The following PRKD1 variants were observed in gnomAD, a reference collection of about 807,000 sequenced individuals.
PRKD1 encodes the protein serine/threonine-protein kinase D1.
Under a neutral mutation model 95.9 loss-of-function variants are expected in PRKD1, and 63 were observed. That is an observed-to-expected ratio of 0.66 (90% CI 0.54 to 0.81). The LOEUF (loss-of-function observed/expected upper bound fraction) is 0.81. Ranked by LOEUF, PRKD1 falls within the 30% of genes least tolerant of loss-of-function variation. The probability of loss-of-function intolerance (pLI) is 0.00; values close to 1 mark genes in which losing one functional copy is unlikely to be tolerated. For synonymous variants in PRKD1, 425 were observed against 423.1 expected, an observed-to-expected ratio of 1.00 and a Z score of -0.05; for missense variants, 1,048 against 1,165.3, an observed-to-expected ratio of 0.90 and a Z score of 1.47.
chr14:29,767,980 T>C (rs1454833371), intron 1 of PRKD1, among the ~76,000 whole-genome samples: 3 of 152,198 alleles, frequency 2.0e-5, no homozygotes, highest in African/African-American at 4.8e-5. Flanking sequence ...TACTGTTTTA[T>C]AACAGAGCAA....
intron 2 of PRKD1, among the ~76,000 whole-genome samples, chr14:29,719,271 T>C (rs904029536): frequency 7.9e-5 from 12 of 152,138 alleles, no homozygotes; most frequent in Non-Finnish European, 1.6e-4. Flanking sequence ...ATATTTTGTA[T>C]TATAACTATA....
chr14:29,695,262 A>AC (rs894379480), intron 2 of PRKD1, among the ~76,000 whole-genome samples: 6 of 151,418 alleles, frequency 4.0e-5, no homozygotes, highest in Non-Finnish European at 7.4e-5. Flanking sequence ...AGGACTACCA[A>AC]TTGATATATC....
At chr14:29,619,348 C>T (rs555981286) in intron 13 of PRKD1, among the ~76,000 whole-genome samples, 15 of 152,202 alleles carry the variant, frequency 9.9e-5, no homozygotes, top group Admixed American at 4.6e-4. Context: ...AACTAACCAG[C>T]CTTTTGCTAC....
At chr14:29,670,200 T>C (rs902051811) in intron 2 of PRKD1, among the ~76,000 whole-genome samples, 3 of 152,148 alleles carry the variant, frequency 2.0e-5, no homozygotes, top group African/African-American at 7.2e-5. Context: ...TAGAACCTCC[T>C]AGGTAATATA....
At chr14:29,584,849 T>A (rs1892862612) in intron 16 of PRKD1, among the ~76,000 whole-genome samples, 1 of 59,470 alleles carries the variant, frequency 1.7e-5, no homozygotes, top group African/African-American at 5.0e-5. Flanking sequence ...ATGTTTATTT[T>A]ACAATGTGTA....
intron 6 of PRKD1, 26 bp downstream of exon 6, chr14:29,638,463 G>A: frequency 6.2e-7 from 1 of 1,610,586 alleles, no homozygotes; most frequent in East Asian, 2.2e-5. Flanking sequence ...AAGAAGCACA[G>A]ACATGACAGC....
Position 29,797,281 on chromosome 14 carries a change from T to C in PRKD1, c.265-71607A>G, listed in dbSNP as rs45545831. 6.1e-3 allele frequency among the ~76,000 whole-genome samples: 930 copies of C among 152,316 alleles called. 13 individuals carry two copies. The highest frequency in any genetic ancestry group is 0.021 in the African/African-American group (855 of 41,560). On this transcript the variant is annotated intron_variant, in intron 1 of 17. Transcript: ENST00000331968. The stretch of plus-strand genomic sequence containing the variant: ...TTTAGGAGGATATCAGTATGCCTTG[T>C]AAACAAATTGTTTGTAAGCGATGGA...
At chr14:29,893,637 C>T (rs1279648374) in intron 1 of PRKD1, among the ~76,000 whole-genome samples, 2 of 152,144 alleles carry the variant, frequency 1.3e-5, no homozygotes, top group East Asian at 3.9e-4. Flanking sequence ...AGATGAGAAA[C>T]ACCTTGCTGA....
chr14:29,766,544 A>G (rs1049197759), intron 1 of PRKD1, among the ~76,000 whole-genome samples: 5 of 152,216 alleles, frequency 3.3e-5, no homozygotes, highest in Admixed American at 2.6e-4. Context: ...TGCTGATAAT[A>G]TGTTAATCAA....
rs1880395780 is a variant in PRKD1, at chr14:29,636,591, C to T, written c.986-97G>A. ...ATCCTAAAACAAATCAATTGGAAGC[C>T]CCAAAGAGGTAGTTCTGTGATGAGT... is the stretch of plus-strand genomic sequence containing the variant. On this transcript the variant is annotated intron_variant, in intron 6 of 17. Transcript: ENST00000331968. 14 of 1,206,578 alleles carry T rather than the reference C, an allele frequency of 1.2e-5. No individual in the cohort carries two copies. The South Asian group carries it at 1.9e-4, about 16-fold the overall frequency. 74.7% of individuals were successfully genotyped at this position (1,206,578 alleles called of 1,614,324 possible).
At chr14:29,846,517 C>T (rs1208678234) in intron 1 of PRKD1, among the ~76,000 whole-genome samples, 4 of 152,078 alleles carry the variant, frequency 2.6e-5, no homozygotes, top group South Asian at 4.1e-4. Context: ...CTGGAAGGAG[C>T]AAGGAGGGAA....
Position 29,871,003 on chromosome 14 carries a change from A to C in PRKD1, c.264+56246T>G, listed in dbSNP as rs1344731863. On this transcript the variant is annotated intron_variant, in intron 1 of 17. Transcript: ENST00000331968. ...CTTCTACCTTTGCTATTTCACAAAC[A>C]CTTAGAGGTGCTAATATTCATACTA... 2.6e-5 allele frequency among the ~76,000 whole-genome samples: 4 copies of C among 152,336 alleles called. No individual in the cohort carries two copies. In the East Asian group the frequency reaches 7.7e-4, roughly 29 times the overall value.
chr14:29,725,424 T>G (rs1259968163), intron 2 of PRKD1, 112 bp downstream of exon 2: 11 of 1,306,698 alleles, frequency 8.4e-6, no homozygotes, highest in Non-Finnish European at 1.2e-5. Context: ...CATCTTCTCT[T>G]GGAGCTGAGT....
chr14:29,895,850 C>A (rs557632150), intron 1 of PRKD1, among the ~76,000 whole-genome samples: 3 of 152,296 alleles, frequency 2.0e-5, no homozygotes, highest in South Asian at 2.1e-4. Context: ...AACACTGTAA[C>A]CTGCTCCCCA....
At chr14:29,625,308 C>T (rs961623881) in intron 12 of PRKD1, among the ~76,000 whole-genome samples, 7 of 152,256 alleles carry the variant, frequency 4.6e-5, no homozygotes, top group Admixed American at 3.3e-4. Context: ...TCTACTCCTC[C>T]GTCACTGTAG....
In PRKD1 at chr14:29,636,425, C is replaced by T. The variant is rs772705867; in HGVS notation, c.1055G>A (p.Arg352Lys). ...EEGSDDNDSE[R>K]NSGLMDDMEE... The stretch of plus-strand genomic sequence containing the variant: ...CATATCATCCATGAGCCCACTGTTC[C>T]TTTCACTATCATTGTCATCACTCCC... Residue 352 changes from arginine to lysine, a missense_variant, in exon 7 of 18, where the codon AGG (arginine) becomes AAG (lysine). By Grantham distance (26) the Arg-to-Lys change is conservative. Coordinates refer to ENST00000331968, the MANE Select transcript of PRKD1 (RefSeq NM_002742.3). 6.2e-7 allele frequency: 1 copy of T among 1,614,152 alleles called. No homozygotes were observed.
chr14:29,807,043 GA>G lies in PRKD1; in HGVS notation c.265-81370del, dbSNP rs144675730. Reference sequence around the variant, plus strand: ...TCTTAAAAAATGCACATGCCTCAATGAAAAAAAAAATACTTTATTGCTAAAA... The same window carrying G: ...TCTTAAAAAATGCACATGCCTCAATGAAAAAAAAATACTTTATTGCTAAAA... On this transcript the variant is annotated intron_variant, in intron 1 of 17. Transcript: ENST00000331968. 2.7e-3 allele frequency among the ~76,000 whole-genome samples: 405 copies of G among 149,246 alleles called. 4 individuals carry two copies. Among genetic ancestry groups the G allele is most frequent in the South Asian group, 0.018 (86 of 4,714 alleles).
intron 1 of PRKD1, among the ~76,000 whole-genome samples, chr14:29,918,007 G>A (rs553947386): frequency 2.0e-5 from 3 of 151,934 alleles, no homozygotes; most frequent in Non-Finnish European, 2.9e-5. Context: ...GTCATGGGGG[G>A]GCTGTACAGA....
chr14:29,712,161 A>G (rs1297373926), intron 2 of PRKD1, among the ~76,000 whole-genome samples: 1 of 152,140 alleles, frequency 6.6e-6, no homozygotes, highest in African/African-American at 2.4e-5. Flanking sequence ...ATGTGATTGC[A>G]GAGAGCACAG....
Sources: allele counts gnomAD v4.1 joint callset (sites outside exome capture counted in the v4.1 genomes callset), GRCh38; gene constraint gnomAD v4.1.1; transcripts MANE v1.5; gene names NCBI Gene and HGNC (gene_info 2026-07-23, HGNC 2026-07-21).